The following LRRC27 variants were observed in gnomAD, a reference collection of about 807,000 sequenced individuals.
The protein encoded by LRRC27 is leucine rich repeat containing 27.
LRRC27 carries 57 observed loss-of-function variants against 55.0 expected under a neutral mutation model. The observed-to-expected ratio is 1.04, with a 90% CI of 0.84 to 1.29. The LOEUF is 1.29. LRRC27 is among the 50% of genes most tolerant of loss of function. LRRC27 has a pLI of 0.00. For synonymous variants in LRRC27, 278 were observed against 251.9 expected, an observed-to-expected ratio of 1.10 and a Z score of -0.98; for missense variants, 721 against 651.5, an observed-to-expected ratio of 1.11 and a Z score of -1.16.
At chr10:132,364,718 GTCCGCGTCCACACTTACATCTACC>G (rs1564854675) in intron 9 of LRRC27, among the ~76,000 whole-genome samples, 18 of 2,858 alleles carry the variant, frequency 6.3e-3, no homozygotes, top group South Asian at 0.044. Flanking sequence ...CACTCATGCA[GTCCGCGTCCACACTTACATCTACC>G]TCCACGCCCA....
At position 132,348,570 on chromosome 10, in the gene LRRC27, A is replaced by C. The variant is rs1406261704; in HGVS notation, c.926+214A>C. Reference sequence around the variant, plus strand: ...CAGAGCTCAGTCCATTCAGAGGCTGAGTTTGCCAAGGTTGAGGATACGCCC... The same window carrying C: ...CAGAGCTCAGTCCATTCAGAGGCTGCGTTTGCCAAGGTTGAGGATACGCCC... On this transcript the variant is annotated intron_variant, in intron 6 of 10. Coordinates refer to ENST00000368614, the MANE Select transcript of LRRC27 (RefSeq NM_030626.3). The surrounding 1 kb of genome is among the most constrained non-coding windows in gnomAD (Gnocchi z 4.2). Among the ~76,000 whole-genome samples the C allele has an allele frequency of 6.6e-6, 1 of 151,490 alleles. No homozygotes were observed. Among genetic ancestry groups the C allele is most frequent in the Non-Finnish European group, 1.5e-5 (1 of 67,900 alleles).
chr10:132,365,167 T>C (rs1234025806), intron 9 of LRRC27, among the ~76,000 whole-genome samples: 1 of 152,232 alleles, frequency 6.6e-6, no homozygotes, highest in Non-Finnish European at 1.5e-5. Context: ...AAGAATAGTG[T>C]GTGTTCTGGC....
chr10:132,345,290 C>G (rs1210183069), intron 5 of LRRC27, among the ~76,000 whole-genome samples: 1 of 152,128 alleles, frequency 6.6e-6, no homozygotes, highest in African/African-American at 2.4e-5. Flanking sequence ...TAAAATTTTA[C>G]TATTTGTGAT....
rs1201185618 is a variant in LRRC27, at chr10:132,348,763, C to T, written c.926+407C>T. Reference sequence around the variant, plus strand: ...GCCAAGTGGGCACATTCTTGTGAGGCTTCGATCAGTGCTCACTGAATCCAC... The same window carrying T: ...GCCAAGTGGGCACATTCTTGTGAGGTTTCGATCAGTGCTCACTGAATCCAC... On this transcript the variant is annotated intron_variant, in intron 6 of 10. Coordinates refer to ENST00000368614, the MANE Select transcript of LRRC27 (RefSeq NM_030626.3). This position sits in a 1 kb window ranked among gnomAD's most constrained non-coding sequence, Gnocchi z 4.2. Among the ~76,000 whole-genome samples the T allele has an allele frequency of 6.6e-6, 1 of 152,186 alleles. No individual in the cohort carries two copies. Among genetic ancestry groups the T allele is most frequent in the African/African-American group, 2.4e-5 (1 of 41,438 alleles).
At chr10:132,339,821 T>C (rs2067317186) in intron 3 of LRRC27, among the ~76,000 whole-genome samples, 1 of 152,254 alleles carries the variant, frequency 6.6e-6, no homozygotes. Context: ...CTACTCGTGT[T>C]TTCCCTAAAA....
In LRRC27 at chr10:132,348,970, G is replaced by A. The variant is rs2067863378; in HGVS notation, c.926+614G>A. 1 of 1,606,138 alleles carries A rather than the reference G, an allele frequency of 6.2e-7. No individual in the cohort carries two copies. Among genetic ancestry groups the A allele is most frequent in the African/African-American group, 1.3e-5 (1 of 74,762 alleles). ...TTTTCCTTTCACACCCAGGACAAGG[G>A]TCCCTAGGAAACAGGCTCTGCAGAG... On this transcript the variant is annotated intron_variant, in intron 6 of 10. Coordinates refer to ENST00000368614, the MANE Select transcript of LRRC27 (RefSeq NM_030626.3). This position sits in a 1 kb window ranked among gnomAD's most constrained non-coding sequence, Gnocchi z 4.2.
chr10:132,333,347 T>C (rs1398433950), intron 1 of LRRC27, 130 bp from the exon 2 acceptor site: 1 of 419,694 alleles, frequency 2.4e-6, no homozygotes, highest in African/African-American at 2.1e-5. Context: ...AAAAGTCAAA[T>C]TTTTGCTACT....
intron 2 of LRRC27, among the ~76,000 whole-genome samples, chr10:132,336,298 G>A (rs1046978567): frequency 2.6e-5 from 4 of 152,218 alleles, no homozygotes; most frequent in Non-Finnish European, 4.4e-5. Context: ...GCATGCACAT[G>A]CCTGTATGTG....
At chr10:132,360,304 C>T (rs2068551453) in intron 8 of LRRC27, among the ~76,000 whole-genome samples, 1 of 152,300 alleles carries the variant, frequency 6.6e-6, no homozygotes, top group South Asian at 2.1e-4. Context: ...CCATGTTGGC[C>T]AGGCTGGTTT....
chr10:132,359,218 G>A (rs1000212496), intron 8 of LRRC27, among the ~76,000 whole-genome samples: 1 of 152,018 alleles, frequency 6.6e-6, no homozygotes, highest in Non-Finnish European at 1.5e-5. Context: ...GCCACCAGCT[G>A]CTCGGAAGGC....
intron 9 of LRRC27, among the ~76,000 whole-genome samples, chr10:132,361,792 C>A (rs2068628164): frequency 6.6e-6 from 1 of 152,124 alleles, no homozygotes; most frequent in African/African-American, 2.4e-5. Context: ...CTGCTGTCAC[C>A]CAGCCATGGC....
rs1341476524 is a variant in LRRC27, at chr10:132,379,448, C to G, written c.*4206C>G. 1 of 152,668 alleles carries G rather than the reference C, an allele frequency of 6.6e-6. No homozygotes were observed. The highest frequency in any genetic ancestry group is 2.4e-5 in the African/African-American group (1 of 41,398). The allele number at this position is 152,668 out of a possible 1,614,324, so 9.5% of individuals were successfully genotyped here. ...GGAGTGCGTGGTCTCAGATCCCATC[C>G]TGCTCCTCTCCAGAGTTTCCTCTCA... is the stretch of plus-strand genomic sequence containing the variant. On this transcript the variant is annotated 3_prime_UTR_variant, in exon 11 of 11. Transcript: ENST00000368614.
At chr10:132,369,838 CTT>C (rs2069174180) in intron 10 of LRRC27, among the ~76,000 whole-genome samples, 1 of 152,138 alleles carries the variant, frequency 6.6e-6, no homozygotes, top group African/African-American at 2.4e-5. Context: ...AGAGCTGGCT[CTT>C]GTGTCCCCCA....
intron 8 of LRRC27, among the ~76,000 whole-genome samples, chr10:132,358,737 C>G (rs1352507700): frequency 2.3e-5 from 1 of 42,612 alleles, no homozygotes; most frequent in Admixed American, 3.0e-4. Flanking sequence ...GGTGGAGCAG[C>G]GTGGGGAGGA....
rs771582368 is a variant in LRRC27, at chr10:132,349,008, A to G, written c.926+652A>G. 2.5e-6 allele frequency: 4 copies of G among 1,611,412 alleles called. No homozygotes were observed. In the African/African-American group the frequency reaches 5.3e-5, roughly 22 times the overall value. ...AGGCTCTGCAGAGACTACATGAGAG[A>G]AAAACTCGAATCATGGGCGTGGTAG... On this transcript the variant is annotated intron_variant, in intron 6 of 10. Transcript: ENST00000368614.
intron 4 of LRRC27, among the ~76,000 whole-genome samples, chr10:132,344,102 C>T (rs2067556982): frequency 6.6e-6 from 1 of 152,196 alleles, no homozygotes; most frequent in African/African-American, 2.4e-5. Context: ...GGGCCTCCTC[C>T]AAGACAGTTT....
intron 7 of LRRC27, 22 bp downstream of exon 7, chr10:132,351,775 G>T: frequency 6.3e-7 from 1 of 1,595,322 alleles, no homozygotes; most frequent in Non-Finnish European, 8.5e-7. Context: ...CAGGGTGGGG[G>T]TCCGCACAGC....
rs755206639 is a variant in LRRC27 at position 132,352,969 on chromosome 10, A to G, written c.1073+1216A>G. The stretch of plus-strand genomic sequence containing the variant: ...TTCTTGTGTTGCTGTGACTGCCGCC[A>G]GTGCCACCACCTTGCGAGGTGTGTT... On this transcript the variant is annotated intron_variant, in intron 7 of 10. Transcript: ENST00000368614. 3.7e-6 allele frequency: 6 copies of G among 1,613,636 alleles called. No homozygotes were observed. The East Asian group carries it at 6.7e-5, about 18-fold the overall frequency.
At chr10:132,362,188 G>T (rs1372409513) in intron 9 of LRRC27, among the ~76,000 whole-genome samples, 1 of 150,036 alleles carries the variant, frequency 6.7e-6, no homozygotes, top group African/African-American at 2.5e-5. Context: ...TGAGTCCCTG[G>T]CCAGGGGGCG....
Sources: allele counts gnomAD v4.1 joint callset (sites outside exome capture counted in the v4.1 genomes callset), GRCh38; gene constraint gnomAD v4.1.1; non-coding constraint Gnocchi (gnomAD v3.1); transcripts MANE v1.5; gene names NCBI Gene and HGNC (gene_info 2026-07-23, HGNC 2026-07-21).